Variants in P3H2 observed in about 807,000 individuals in gnomAD.
The protein encoded by P3H2 is prolyl 3-hydroxylase 2, also known as leprecan-like 1.
P3H2 carries 80 observed loss-of-function variants against 87.0 expected under a neutral mutation model. The ratio of observed to expected loss-of-function variants is 0.92; its 90% CI spans 0.77 to 1.11. The LOEUF is 1.11. Ranked by LOEUF, P3H2 falls within the 50% of genes least tolerant of loss-of-function variation. P3H2 has a pLI of 0.00. For missense variants in P3H2, 1,001 were observed against 923.9 expected (o/e 1.08, Z -1.08); for synonymous variants, 367 against 359.3 (o/e 1.02, Z -0.24).
chr3:190,029,439 G>A (rs1725184334), intron 1 of P3H2, among the ~76,000 whole-genome samples: 1 of 151,862 alleles, frequency 6.6e-6, no homozygotes. Context: ...CAAGTTTCGG[G>A]CTGTCACAAC....
chr3:190,039,234 T>C (rs1725524390), intron 1 of P3H2, among the ~76,000 whole-genome samples: 1 of 151,584 alleles, frequency 6.6e-6, no homozygotes, highest in East Asian at 1.9e-4. Context: ...GGAAGGACAA[T>C]TTTATGGAGC....
At chr3:190,063,990 C>CT (rs770967128) in intron 1 of P3H2, among the ~76,000 whole-genome samples, 4,221 of 124,192 alleles carry the variant, frequency 0.034, 187 homozygotes, top group East Asian at 0.16. Context: ...TTAGAATAAA[C>CT]TTTTTTTTTT....
chr3:189,966,131 GAAAGAAAGAAA>G (rs1722989679), intron 13 of P3H2, among the ~76,000 whole-genome samples: 1 of 51,320 alleles, frequency 1.9e-5, no homozygotes, highest in East Asian at 5.2e-4. Flanking sequence ...GAAAAAGAAA[GAAAGAAAGAAA>G]GAAAGAAAGA....
intron 3 of P3H2, among the ~76,000 whole-genome samples, chr3:189,993,247 G>A (rs1354426446): frequency 6.6e-6 from 1 of 150,962 alleles, no homozygotes; most frequent in South Asian, 2.1e-4. Context: ...GCTTGAATCC[G>A]GGAGGCAGAG....
intron 8 of P3H2, among the ~76,000 whole-genome samples, chr3:189,978,959 A>AC (rs1577251362): frequency 6.6e-6 from 1 of 152,016 alleles, no homozygotes; most frequent in East Asian, 1.9e-4. Context: ...CCTGGCTCTG[A>AC]CTCTCTGGTT....
intron 8 of P3H2, among the ~76,000 whole-genome samples, chr3:189,981,947 TAAGGAAGGA>T (rs1368862113): frequency 6.6e-6 from 1 of 152,106 alleles, no homozygotes; most frequent in Non-Finnish European, 1.5e-5. Context: ...ACTTGGAAGC[TAAGGAAGGA>T]AAGGGATGGG....
chr3:189,963,274 C>T (rs115789768), intron 14 of P3H2, among the ~76,000 whole-genome samples: 1 of 152,152 alleles, frequency 6.6e-6, no homozygotes, highest in Non-Finnish European at 1.5e-5. Context: ...TATTGAAATA[C>T]TTAATGTAAT....
chr3:189,993,752 C>T (rs570594000), intron 3 of P3H2, among the ~76,000 whole-genome samples: 12 of 152,080 alleles, frequency 7.9e-5, no homozygotes, highest in East Asian at 1.9e-4. Context: ...AATGGCTCTA[C>T]GTACTTACGT....
intron 1 of P3H2, among the ~76,000 whole-genome samples, chr3:190,041,041 C>T (rs1257998921): frequency 0.26 from 7,772 of 29,864 alleles, 1,241 homozygotes; most frequent in Admixed American, 0.32. Context: ...TATATATACA[C>T]ACACACACAC....
At chr3:189,958,062 C>A (rs1442624319) in intron 14 of P3H2, 58 bp from the exon 15 acceptor site, 2 of 1,278,480 alleles carry the variant, frequency 1.6e-6, no homozygotes, top group African/African-American at 1.5e-5. Context: ...GTCTCATCAG[C>A]AGACGCTTCC....
At chr3:190,009,160 G>A (rs1385798376) in intron 1 of P3H2, among the ~76,000 whole-genome samples, 2 of 152,132 alleles carry the variant, frequency 1.3e-5, no homozygotes, top group South Asian at 2.1e-4. Flanking sequence ...GAGTACAAGT[G>A]TTGGGAGTGG....
intron 1 of P3H2, among the ~76,000 whole-genome samples, chr3:190,108,607 G>T (rs1308452667): frequency 1.3e-5 from 2 of 151,974 alleles, no homozygotes; most frequent in African/African-American, 4.8e-5. Flanking sequence ...TCACATAGGA[G>T]TGCCTCTGTT....
At chr3:190,119,851 C>CAG (rs10662670) in intron 1 of P3H2, among the ~76,000 whole-genome samples, 75,535 of 150,458 alleles carry the variant, frequency 0.5, 19,386 homozygotes, top group African/African-American at 0.63. Flanking sequence ...AGAGAGGAGA[C>CAG]AAAAGAAATG....
chr3:190,040,030 T>C (rs906570992), intron 1 of P3H2, among the ~76,000 whole-genome samples: 2 of 152,220 alleles, frequency 1.3e-5, no homozygotes, highest in Non-Finnish European at 2.9e-5. Flanking sequence ...GCAGTGACTA[T>C]AGTTGCATTA....
intron 1 of P3H2, among the ~76,000 whole-genome samples, chr3:190,030,053 G>T (rs1476749229): frequency 6.6e-6 from 1 of 151,550 alleles, no homozygotes; most frequent in Non-Finnish European, 1.5e-5. Context: ...GAACTATCAG[G>T]CTAAGAGTTC....
intron 1 of P3H2, among the ~76,000 whole-genome samples, chr3:190,004,527 C>A (rs1036982714): frequency 2.0e-5 from 3 of 151,828 alleles, no homozygotes; most frequent in African/African-American, 7.2e-5. Context: ...GGACTACAGG[C>A]GCCCGCCTCC....
intron 1 of P3H2, among the ~76,000 whole-genome samples, chr3:190,115,693 C>T (rs953713013): frequency 2.0e-5 from 3 of 152,194 alleles, no homozygotes; most frequent in Non-Finnish European, 2.9e-5. Context: ...AGTCCTGAAA[C>T]GTTCTCTTCC....
chr3:189,968,509 G>A (rs1336660931), intron 13 of P3H2, among the ~76,000 whole-genome samples: 2 of 152,124 alleles, frequency 1.3e-5, no homozygotes, highest in Non-Finnish European at 1.5e-5. Flanking sequence ...GAGCATTTGG[G>A]TTGGTACCAA....
intron 1 of P3H2, among the ~76,000 whole-genome samples, chr3:190,026,480 G>A (rs1048414131): frequency 3.3e-5 from 5 of 152,200 alleles, no homozygotes; most frequent in South Asian, 2.1e-4. Context: ...AGTCACCTCC[G>A]GTCATCCTCA....
Sources: gnomAD v4.1 joint callset for allele counts (sites outside exome capture counted in the v4.1 genomes callset) on GRCh38, gnomAD v4.1.1 for gene constraint, MANE v1.5 for transcripts, NCBI Gene and HGNC (gene_info 2026-07-23, HGNC 2026-07-21) for gene names.